Variants in OR10J1 observed in about 807,000 individuals in gnomAD.
OR10J1 encodes olfactory receptor 10J1.
For synonymous variants in OR10J1, 202 were observed against 143.8 expected (o/e 1.40, Z -2.89); for missense variants, 474 against 376.6 (o/e 1.26, Z -2.14).
At chr1:159,417,929 G>A in the OR10J1 span, among the ~76,000 whole-genome samples, 3 of 152,130 alleles carry the variant, frequency 2.0e-5, no homozygotes, top group Admixed American at 6.5e-5. Context: ...CTGGAGTAAA[G>A]GTGATTCTTG....
chr1:159,405,637 A>G, the OR10J1 span: 1 of 441,828 alleles, frequency 2.3e-6, no homozygotes, highest in South Asian at 2.2e-5. Flanking sequence ...GATGACCACT[A>G]TGAGATGGGA....
the OR10J1 span, among the ~76,000 whole-genome samples, chr1:159,426,953 A>G: frequency 6.6e-6 from 1 of 151,930 alleles, no homozygotes; most frequent in Non-Finnish European, 1.5e-5. Flanking sequence ...TGAGATAGGT[A>G]GTATTATTCC....
At chr1:159,427,287 G>C in the OR10J1 span, among the ~76,000 whole-genome samples, 4 of 151,540 alleles carry the variant, frequency 2.6e-5, no homozygotes, top group Admixed American at 2.6e-4. Flanking sequence ...CAAATCTAGA[G>C]AAGGTAAAAA....
At chr1:159,399,429 G>A in the OR10J1 span, among the ~76,000 whole-genome samples, 1 of 151,798 alleles carries the variant, frequency 6.6e-6, no homozygotes, top group African/African-American at 2.4e-5. Context: ...AAATTAGCCG[G>A]GCATCGTGGT....
At chr1:159,412,779 A>T in the OR10J1 span, among the ~76,000 whole-genome samples, 1 of 151,830 alleles carries the variant, frequency 6.6e-6, no homozygotes, top group Non-Finnish European at 1.5e-5. Flanking sequence ...AGGGATGGGC[A>T]AGGACTTCAT....
Position 159,440,488 on chromosome 1 carries a change from C to A in OR10J1, c.697C>A (p.Arg233=), listed in dbSNP as rs1016467615. The A allele has an allele frequency of 3.1e-6, 5 of 1,613,942 alleles. No individual in the cohort carries two copies. Among genetic ancestry groups the A allele is most frequent in the East Asian group, 2.2e-5 (1 of 44,880 alleles). Residue 233 remains arginine (R), a synonymous_variant, in exon 1 of 1, where the codon CGG becomes AGG. Coordinates refer to ENST00000423932, the MANE Select transcript of OR10J1 (RefSeq NM_012351.3). ...TILKIASVEG[R]KKAFATCASH... ...CCTCAAGATTGCTTCAGTTGAGGGC[C>A]GGAAGAAGGCTTTTGCCACCTGTGC... is the stretch of plus-strand genomic sequence containing the variant.
chr1:159,420,781 AG>A, the OR10J1 span, among the ~76,000 whole-genome samples: 3 of 152,044 alleles, frequency 2.0e-5, no homozygotes, highest in African/African-American at 7.2e-5. Context: ...GTCTGATCAA[AG>A]TTCCTTTATA....
the OR10J1 span, among the ~76,000 whole-genome samples, chr1:159,397,642 G>T: frequency 6.6e-6 from 1 of 152,188 alleles, no homozygotes; most frequent in African/African-American, 2.4e-5. Flanking sequence ...GGCGGTGGGG[G>T]CTATGGGGGT....
At chr1:159,424,570 CTGAG>C in the OR10J1 span, among the ~76,000 whole-genome samples, 5 of 151,308 alleles carry the variant, frequency 3.3e-5, no homozygotes, top group Non-Finnish European at 5.9e-5. Context: ...GATGAAAGAA[CTGAG>C]TGTGTCCGTG....
chr1:159,418,457 C>T, the OR10J1 span, among the ~76,000 whole-genome samples: 1 of 152,210 alleles, frequency 6.6e-6, no homozygotes, highest in African/African-American at 2.4e-5. Context: ...GTGCAATCCC[C>T]ATACCTTGGC....
At chr1:159,419,306 T>C in the OR10J1 span, among the ~76,000 whole-genome samples, 1 of 152,134 alleles carries the variant, frequency 6.6e-6, no homozygotes, top group African/African-American at 2.4e-5. Context: ...ATAATTCCCA[T>C]GTGTCATGGG....
the OR10J1 span, among the ~76,000 whole-genome samples, chr1:159,403,121 A>G: frequency 6.6e-6 from 1 of 152,206 alleles, no homozygotes; most frequent in Admixed American, 6.6e-5. Flanking sequence ...AAAATGGATT[A>G]AAGACTTAAA....
At chr1:159,404,638 C>G in the OR10J1 span, among the ~76,000 whole-genome samples, 1 of 152,118 alleles carries the variant, frequency 6.6e-6, no homozygotes, top group African/African-American at 2.4e-5. Flanking sequence ...CTTGCCTGTA[C>G]TATCCAATGA....
chr1:159,403,257 A>G, the OR10J1 span, among the ~76,000 whole-genome samples: 1 of 152,166 alleles, frequency 6.6e-6, no homozygotes, highest in Non-Finnish European at 1.5e-5. Context: ...TCAAAAGTGG[A>G]CAAATGGGAT....
At chr1:159,431,315 A>C in the OR10J1 span, among the ~76,000 whole-genome samples, 15 of 152,132 alleles carry the variant, frequency 9.9e-5, no homozygotes, top group Non-Finnish European at 1.5e-5. Context: ...TTCTACCTTG[A>C]CTTACCAAAT....
chr1:159,412,466 A>G, the OR10J1 span, among the ~76,000 whole-genome samples: 1,004 of 116,904 alleles, frequency 8.6e-3, no homozygotes, highest in African/African-American at 0.016. Context: ...CCAAAACAGC[A>G]TGGTACTGGT....
At chr1:159,412,662 C>G in the OR10J1 span, among the ~76,000 whole-genome samples, 1 of 150,686 alleles carries the variant, frequency 6.6e-6, no homozygotes, top group Non-Finnish European at 1.5e-5. Flanking sequence ...GGATCCCTTC[C>G]TTACACCTTA....
chr1:159,431,839 C>T, the OR10J1 span, among the ~76,000 whole-genome samples: 1 of 152,138 alleles, frequency 6.6e-6, no homozygotes, highest in Non-Finnish European at 1.5e-5. Flanking sequence ...TTAAGGTAGG[C>T]TAGGATAAGC....
the OR10J1 span, among the ~76,000 whole-genome samples, chr1:159,417,066 C>T: frequency 2.0e-5 from 3 of 151,820 alleles, no homozygotes; most frequent in African/African-American, 7.3e-5. Context: ...GTCTCTATTT[C>T]ATTTAGTTCT....
Sources: allele counts gnomAD v4.1 joint callset (sites outside exome capture counted in the v4.1 genomes callset), GRCh38; gene constraint gnomAD v4.1.1; transcripts MANE v1.5; gene names NCBI Gene and HGNC (gene_info 2026-07-23, HGNC 2026-07-21).